Variants in PPP4R3B observed in about 807,000 individuals in gnomAD.
PPP4R3B encodes protein phosphatase 4 regulatory subunit 3B.
A neutral mutation model predicts 95.4 loss-of-function variants in PPP4R3B; 52 were observed. The observed-to-expected ratio is 0.54, with a 90% CI of 0.44 to 0.69. The LOEUF is 0.69. PPP4R3B is among the 30% of genes least tolerant of loss of function. The pLI, the probability that PPP4R3B is intolerant of heterozygous loss-of-function variation, is 0.00. For missense variants in PPP4R3B, 1,003 were observed against 1,005.9 expected (o/e 1.00, Z 0.04); for synonymous variants, 407 against 343.9 (o/e 1.18, Z -2.03).
intron 8 of PPP4R3B, 25 bp downstream of exon 8, chr2:55,581,542 T>G (rs1184167243): frequency 6.2e-7 from 1 of 1,600,704 alleles, no homozygotes; most frequent in Non-Finnish European, 8.5e-7. Flanking sequence ...GGCCAAAACA[T>G]TTTTATCTCA....
chr2:55,593,338 T>C (rs1207702978), intron 4 of PPP4R3B, among the ~76,000 whole-genome samples: 3 of 152,164 alleles, frequency 2.0e-5, no homozygotes, highest in African/African-American at 7.2e-5. Context: ...CTGACTATGC[T>C]AAGTACTCTC....
chr2:55,606,994 TATATC>T, intron 2 of PPP4R3B, among the ~76,000 whole-genome samples: 1 of 152,186 alleles, frequency 6.6e-6, no homozygotes, highest in East Asian at 1.9e-4. Context: ...CATTTGTACT[TATATC>T]ATCATCAACC....
At chr2:55,609,639 G>C (rs1409638439) in intron 2 of PPP4R3B, among the ~76,000 whole-genome samples, 1 of 146,176 alleles carries the variant, frequency 6.8e-6, no homozygotes, top group African/African-American at 2.5e-5. Flanking sequence ...CTGCACTCCA[G>C]CCTCGGCAAC....
rs577844286 is a variant in PPP4R3B, at chr2:55,602,012, T to A, written c.297+1966A>T. Among the ~76,000 whole-genome samples, 7 of 151,896 alleles carry A rather than the reference T, an allele frequency of 4.6e-5. No individual in the cohort carries two copies. In the South Asian group the frequency reaches 8.3e-4, roughly 18 times the overall value. On this transcript the variant is annotated intron_variant, in intron 3 of 16. Coordinates refer to ENST00000616407, the MANE Select transcript of PPP4R3B (RefSeq NM_001122964.3). ...GTCTGGAACCTAAGAAGAAAAAAAA[T>A]CACTGGACTGACAAAAAGCTGGATT... is the stretch of plus-strand genomic sequence containing the variant.
intron 1 of PPP4R3B, chr2:55,616,655 A>G (rs1322715075): frequency 4.6e-5 from 7 of 152,426 alleles, no homozygotes; most frequent in African/African-American, 1.7e-4. Flanking sequence ...AGTCAGCAAT[A>G]CAGCCAGGAA....
chr2:55,564,529 T>TA, intron 14 of PPP4R3B, 32 bp from the exon 15 acceptor site: 1 of 1,535,592 alleles, frequency 6.5e-7, no homozygotes. Flanking sequence ...TATTGAGTAA[T>TA]GATTTAAAGT....
At chr2:55,555,369 T>C (rs1238675630) in intron 16 of PPP4R3B, among the ~76,000 whole-genome samples, 1 of 152,122 alleles carries the variant, frequency 6.6e-6, no homozygotes, top group Non-Finnish European at 1.5e-5. Flanking sequence ...TGCCTTATTT[T>C]TTTTTATGAA....
intron 2 of PPP4R3B, among the ~76,000 whole-genome samples, chr2:55,605,821 G>A (rs938745215): frequency 4.0e-5 from 6 of 150,308 alleles, no homozygotes; most frequent in South Asian, 2.1e-4. Flanking sequence ...CAAAAGAATC[G>A]CTTGAACCGG....
intron 4 of PPP4R3B, among the ~76,000 whole-genome samples, chr2:55,594,098 G>C (rs1168754901): frequency 6.6e-6 from 1 of 151,990 alleles, no homozygotes; most frequent in Non-Finnish European, 1.5e-5. Flanking sequence ...CTTACAAGTG[G>C]GTACACAAGG....
rs1263206128 is a variant in PPP4R3B, at chr2:55,597,457, C to T, written c.921+959G>A. On this transcript the variant is annotated intron_variant, in intron 4 of 16. Coordinates refer to ENST00000616407, the MANE Select transcript of PPP4R3B (RefSeq NM_001122964.3). Reference sequence around the variant, plus strand: ...CTAAAATGGTGAAACCTTGTCTCTACTAAAAACACAAAAAATTAGCTGGGC... The same window carrying T: ...CTAAAATGGTGAAACCTTGTCTCTATTAAAAACACAAAAAATTAGCTGGGC... Among the ~76,000 whole-genome samples, 9 of 152,094 alleles carry T rather than the reference C, an allele frequency of 5.9e-5. 1 individual carries two copies. Among genetic ancestry groups the T allele is most frequent in the Non-Finnish European group, 1.3e-4 (9 of 68,018 alleles).
chr2:55,600,404 C>A (rs1231662493), intron 3 of PPP4R3B, among the ~76,000 whole-genome samples: 2 of 104,582 alleles, frequency 1.9e-5, no homozygotes, highest in East Asian at 3.0e-4. Flanking sequence ...CTTGCCTGGG[C>A]AACGAGAGTG....
rs547888479 is a variant in PPP4R3B, at chr2:55,548,520, C to T, written c.*1391G>A. 3 of 152,562 alleles carry T rather than the reference C, an allele frequency of 2.0e-5. 1 individual carries two copies. Among genetic ancestry groups the T allele is most frequent in the African/African-American group, 7.2e-5 (3 of 41,482 alleles). 9.5% of individuals were successfully genotyped at this position (152,562 alleles called of 1,614,324 possible). On this transcript the variant is annotated 3_prime_UTR_variant, in exon 17 of 17. Coordinates refer to ENST00000616407, the MANE Select transcript of PPP4R3B (RefSeq NM_001122964.3). ...CTGTTTTATGGAAAAAACTATACTT[C>T]ATATCTACACAGACAGCTCATCTTT...
At chr2:55,614,693 A>G (rs976597817) in intron 2 of PPP4R3B, 6 of 152,238 alleles carry the variant, frequency 3.9e-5, no homozygotes, top group African/African-American at 1.4e-4. Context: ...AACTCTATCC[A>G]TAATGTTCAA....
chr2:55,565,102 T>C (rs1191665363), intron 13 of PPP4R3B, 61 bp from the exon 14 acceptor site: 3 of 1,358,912 alleles, frequency 2.2e-6, no homozygotes, highest in Non-Finnish European at 2.9e-6. Context: ...AGAAAAACTT[T>C]AAAATTTTGT....
At chr2:55,560,805 AAAAAAAG>A (rs2103880036) in intron 15 of PPP4R3B, among the ~76,000 whole-genome samples, 1 of 129,128 alleles carries the variant, frequency 7.7e-6, no homozygotes, top group African/African-American at 2.7e-5. Context: ...AAAAAAAAAA[AAAAAAAG>A]AGGCCTTCTG....
chr2:55,585,962 A>G (rs899140000), intron 6 of PPP4R3B, among the ~76,000 whole-genome samples: 4 of 152,172 alleles, frequency 2.6e-5, no homozygotes, highest in Admixed American at 1.3e-4. Context: ...TATCACCACA[A>G]ATTAAATGTA....
chr2:55,601,412 G>A (rs1315694301), intron 3 of PPP4R3B, among the ~76,000 whole-genome samples: 5 of 148,716 alleles, frequency 3.4e-5, no homozygotes, highest in South Asian at 2.1e-4. Context: ...ACAGAGTCTC[G>A]CTCTGTAGCC....
intron 4 of PPP4R3B, among the ~76,000 whole-genome samples, chr2:55,596,516 G>C (rs1433751035): frequency 6.6e-6 from 1 of 152,182 alleles, no homozygotes; most frequent in Admixed American, 6.5e-5. Context: ...GCTATAAATA[G>C]AATGATGTCT....
At chr2:55,580,467 A>C (rs1276236485) in intron 8 of PPP4R3B, among the ~76,000 whole-genome samples, 1 of 152,184 alleles carries the variant, frequency 6.6e-6, no homozygotes, top group Non-Finnish European at 1.5e-5. Context: ...TCTGTTTTGG[A>C]AGAATAAAAA....
Sources: allele counts gnomAD v4.1 joint callset (sites outside exome capture counted in the v4.1 genomes callset), GRCh38; gene constraint gnomAD v4.1.1; transcripts MANE v1.5; gene names NCBI Gene and HGNC (gene_info 2026-07-23, HGNC 2026-07-21).